ENPP6: variants seen among roughly 807,000 people sequenced by gnomAD.
The protein encoded by ENPP6 is glycerophosphocholine cholinephosphodiesterase ENPP6.
A neutral mutation model predicts 42.0 loss-of-function variants in ENPP6; 32 were observed. The observed-to-expected ratio is 0.76, with a 90% CI of 0.58 to 1.02. The LOEUF (loss-of-function observed/expected upper bound fraction) is 1.02, where lower values mean the gene tolerates loss of function less well. ENPP6 is among the 50% of genes least tolerant of loss of function. The probability of loss-of-function intolerance (pLI) is 0.00; values close to 1 mark genes in which losing one functional copy is unlikely to be tolerated. For missense variants in ENPP6, 552 were observed against 566.8 expected, an observed-to-expected ratio of 0.97 and a Z score of 0.27; for synonymous variants, 213 against 216.0, an observed-to-expected ratio of 0.99 and a Z score of 0.12.
At chr4:184,208,630 G>A (rs1415633832) in intron 1 of ENPP6, among the ~76,000 whole-genome samples, 2 of 150,090 alleles carry the variant, frequency 1.3e-5, no homozygotes, top group East Asian at 2.0e-4. Flanking sequence ...AGCGGTCTGA[G>A]ATCAAACTGC....
At chr4:184,165,833 C>T (rs1882332) in intron 1 of ENPP6, among the ~76,000 whole-genome samples, 112,825 of 152,118 alleles carry the variant, frequency 0.74, 42,352 homozygotes, top group African/African-American at 0.83. Context: ...TTACAAGAAG[C>T]AACTTTATAT....
chr4:184,089,284 C>T lies in ENPP6; in HGVS notation c.*1893G>A, dbSNP rs901345645. Reference sequence around the variant, plus strand: ...AGTATTTTTAAGCAGTGATCCTTTGCTCTCATGATTCATGGCATGGAGACA... The same window carrying T: ...AGTATTTTTAAGCAGTGATCCTTTGTTCTCATGATTCATGGCATGGAGACA... On this transcript the variant is annotated 3_prime_UTR_variant, in exon 8 of 8. Coordinates refer to ENST00000296741, the MANE Select transcript of ENPP6 (RefSeq NM_153343.4). 2.6e-5 allele frequency: 4 copies of T among 152,114 alleles called. No homozygotes were observed. The highest frequency in any genetic ancestry group is 9.7e-5 in the African/African-American group (4 of 41,416). The allele number at this position is 152,114 out of a possible 1,614,324, so 9.4% of individuals were successfully genotyped here.
intron 2 of ENPP6, among the ~76,000 whole-genome samples, chr4:184,146,771 G>A (rs768547674): frequency 2.0e-5 from 3 of 152,164 alleles, no homozygotes; most frequent in Non-Finnish European, 2.9e-5. Context: ...AGATGGCTAC[G>A]CAGAGAGTGA....
At chr4:184,134,131 G>GATTTATTTATTTATTT (rs60164895) in intron 2 of ENPP6, among the ~76,000 whole-genome samples, 42,861 of 147,080 alleles carry the variant, frequency 0.29, 7,513 homozygotes, top group Non-Finnish European at 0.4. Flanking sequence ...TTATGGAAGT[G>GATTTATTTATTTATTT]ATTTATTTAT....
intron 1 of ENPP6, among the ~76,000 whole-genome samples, chr4:184,209,042 A>C (rs1733062132): frequency 1.4e-5 from 2 of 146,430 alleles, no homozygotes. Flanking sequence ...GTTAGAAGGA[A>C]AACTAACAAA....
chr4:184,148,410 G>A (rs539984002), intron 2 of ENPP6, among the ~76,000 whole-genome samples: 1 of 152,328 alleles, frequency 6.6e-6, no homozygotes, highest in South Asian at 2.1e-4. Context: ...AAGGGAGATT[G>A]GATGTGGTTA....
At chr4:184,210,783 C>T (rs1414632432) in intron 1 of ENPP6, among the ~76,000 whole-genome samples, 1 of 152,078 alleles carries the variant, frequency 6.6e-6, no homozygotes, top group Non-Finnish European at 1.5e-5. Context: ...ACAGAATATA[C>T]ATTTTTTTCA....
chr4:184,131,477 C>A (rs1736632356), intron 2 of ENPP6, among the ~76,000 whole-genome samples: 1 of 151,100 alleles, frequency 6.6e-6, no homozygotes, highest in Non-Finnish European at 1.5e-5. Context: ...CTTAGCCTCC[C>A]CGAGTAGCTG....
At chr4:184,117,208 C>T (rs556362375) in intron 4 of ENPP6, among the ~76,000 whole-genome samples, 173 bp from the exon 5 acceptor site, 6 of 152,306 alleles carry the variant, frequency 3.9e-5, no homozygotes, top group South Asian at 4.1e-4. Flanking sequence ...AAGCCCTTTG[C>T]GGAGGGGACT....
At chr4:184,185,510 G>A (rs1195937697) in intron 1 of ENPP6, among the ~76,000 whole-genome samples, 4 of 152,156 alleles carry the variant, frequency 2.6e-5, no homozygotes, top group South Asian at 4.1e-4. Flanking sequence ...GTCCTTTTGC[G>A]AGAATCATGC....
At chr4:184,136,942 C>T (rs1455153929) in intron 2 of ENPP6, among the ~76,000 whole-genome samples, 1 of 152,204 alleles carries the variant, frequency 6.6e-6, no homozygotes, top group Admixed American at 6.5e-5. Flanking sequence ...TCACTATATC[C>T]CGCATGTCTC....
chr4:184,091,672 C>T (rs10027045), intron 7 of ENPP6, among the ~76,000 whole-genome samples: 13,493 of 151,926 alleles, frequency 0.089, 1,189 homozygotes, highest in African/African-American at 0.23. Context: ...GTTGGGAGGG[C>T]GAGGAGGGAG....
At chr4:184,207,951 G>C (rs1367970065) in intron 1 of ENPP6, among the ~76,000 whole-genome samples, 1 of 152,160 alleles carries the variant, frequency 6.6e-6, no homozygotes, top group Non-Finnish European at 1.5e-5. Flanking sequence ...GCGCATGCCT[G>C]TGTCTCTTCG....
At chr4:184,123,953 T>G (rs1311384899) in intron 3 of ENPP6, among the ~76,000 whole-genome samples, 1 of 152,228 alleles carries the variant, frequency 6.6e-6, no homozygotes, top group Non-Finnish European at 1.5e-5. Context: ...TTTCCTGCTC[T>G]CAATTCAACA....
At chr4:184,168,560 G>T (rs1002890635) in intron 1 of ENPP6, among the ~76,000 whole-genome samples, 1 of 152,208 alleles carries the variant, frequency 6.6e-6, no homozygotes, top group African/African-American at 2.4e-5. Flanking sequence ...AGCAAGGAGC[G>T]AGCCCTCTGA....
At chr4:184,158,006 G>A (rs759536143) in intron 1 of ENPP6, among the ~76,000 whole-genome samples, 7 of 152,106 alleles carry the variant, frequency 4.6e-5, no homozygotes, top group Non-Finnish European at 1.0e-4. Flanking sequence ...TTTTCAAACA[G>A]TCAATGTCAA....
chr4:184,160,721 C>T (rs1021262243), intron 1 of ENPP6, among the ~76,000 whole-genome samples: 2 of 152,060 alleles, frequency 1.3e-5, no homozygotes, highest in African/African-American at 2.4e-5. Context: ...TTGAGCTCTC[C>T]GTATGACTGG....
At chr4:184,125,698 A>G (rs1232150026) in intron 2 of ENPP6, among the ~76,000 whole-genome samples, 1 of 152,096 alleles carries the variant, frequency 6.6e-6, no homozygotes, top group Non-Finnish European at 1.5e-5. Context: ...ATTCAGGGAG[A>G]GCAAGGGCTC....
Position 184,091,260 on chromosome 4 carries a change from G to T in ENPP6, c.1240C>A (p.Leu414Met). Residue 414 changes from leucine to methionine, a missense_variant, in exon 8 of 8, where the codon CTG (leucine) becomes ATG (methionine). By Grantham distance (15) the Leu-to-Met change is conservative. This residue lies in a region of ENPP6 where 545 missense variants were observed against 546.3 expected (regional missense o/e 1.00). Coordinates refer to ENST00000296741, the MANE Select transcript of ENPP6 (RefSeq NM_153343.4). ...NGSWSRVMCM[L>M]KGRASTAPPV... ...GGGGCAGTGCTGGCGCGGCCCTTCA[G>T]CATGCACATCACCCTGGACCAGGAT... 2 of 1,611,786 alleles carry T rather than the reference G, an allele frequency of 1.2e-6. No homozygotes were observed. Among genetic ancestry groups the T allele is most frequent in the Non-Finnish European group, 1.7e-6 (2 of 1,178,898 alleles).
Sources: gnomAD v4.1 joint callset for allele counts (sites outside exome capture counted in the v4.1 genomes callset) on GRCh38, gnomAD v4.1.1 for gene constraint, gnomAD v4.1.1 regional missense constraint, MANE v1.5 for transcripts, NCBI Gene and HGNC (gene_info 2026-07-23, HGNC 2026-07-21) for gene names.